Variants in NETO2 observed in about 807,000 individuals in gnomAD.
The protein encoded by NETO2 is neuropilin and tolloid like 2.
A neutral mutation model predicts 62.5 loss-of-function variants in NETO2; 28 were observed. The ratio of observed to expected loss-of-function variants is 0.45; its 90% CI spans 0.33 to 0.61. The LOEUF is 0.61. NETO2 is among the 20% of genes least tolerant of loss of function. The probability of loss-of-function intolerance (pLI) is 0.02; values close to 1 mark genes in which losing one functional copy is unlikely to be tolerated. For synonymous variants in NETO2, 214 were observed against 219.1 expected, an observed-to-expected ratio of 0.98 and a Z score of 0.21; for missense variants, 548 against 643.2, an observed-to-expected ratio of 0.85 and a Z score of 1.60.
chr16:47,112,736 AACTGATTT>A (rs1450671056), intron 6 of NETO2, among the ~76,000 whole-genome samples: 1 of 152,202 alleles, frequency 6.6e-6, no homozygotes, highest in African/African-American at 2.4e-5. Context: ...TTTTAAGTTT[AACTGATTT>A]ACTTTTATTA....
intron 2 of NETO2, 62 bp downstream of exon 2, chr16:47,131,907 C>T (rs1316330944): frequency 2.2e-6 from 3 of 1,388,200 alleles, no homozygotes; most frequent in Non-Finnish European, 3.1e-6. Flanking sequence ...AGTTGCAATC[C>T]TTTCAAATAA....
At chr16:47,103,249 G>A (rs1291895227) in intron 7 of NETO2, among the ~76,000 whole-genome samples, 4 of 152,040 alleles carry the variant, frequency 2.6e-5, no homozygotes, top group African/African-American at 4.8e-5. Context: ...ATAAGAACAC[G>A]TGGGCACAGG....
At chr16:47,143,273 G>GCAGCCCGGAGGGCC (rs1393644037) in intron 1 of NETO2, among the ~76,000 whole-genome samples, 1 of 151,990 alleles carries the variant, frequency 6.6e-6, no homozygotes, top group East Asian at 1.9e-4. Context: ...GCGCGAGGGC[G>GCAGCCCGGAGGGCC]CAGCCCGGAG....
intron 6 of NETO2, among the ~76,000 whole-genome samples, chr16:47,121,282 A>G (rs1219315319): frequency 6.6e-6 from 1 of 152,120 alleles, no homozygotes; most frequent in East Asian, 1.9e-4. Context: ...GGCTGTGAGC[A>G]TAGGGGTTTT....
At chr16:47,088,799 A>G (rs924302106) in intron 7 of NETO2, among the ~76,000 whole-genome samples, 3 of 152,186 alleles carry the variant, frequency 2.0e-5, no homozygotes, top group Non-Finnish European at 4.4e-5. Flanking sequence ...TCAGTAATAA[A>G]ACTGACATGT....
intron 6 of NETO2, among the ~76,000 whole-genome samples, chr16:47,114,502 G>GT (rs946643621): frequency 1.1e-4 from 14 of 130,460 alleles, no homozygotes; most frequent in South Asian, 2.5e-4. Context: ...CCAGGCTGGA[G>GT]TGCAGTGGCA....
intron 7 of NETO2, among the ~76,000 whole-genome samples, chr16:47,089,075 T>A (rs1963257371): frequency 6.6e-6 from 1 of 152,242 alleles, no homozygotes. Context: ...GGTTCATTTA[T>A]CCCTTCCCCC....
intron 7 of NETO2, among the ~76,000 whole-genome samples, chr16:47,087,536 C>A (rs1372827267): frequency 6.6e-6 from 1 of 151,796 alleles, no homozygotes; most frequent in African/African-American, 2.4e-5. Context: ...AATGGTTGCA[C>A]AATAATGTGA....
rs761799257 is a variant in NETO2 at position 47,129,335 on chromosome 16, G to C, written c.121C>G (p.Pro41Ala). The C allele has an allele frequency of 6.2e-7, 1 of 1,613,946 alleles. No homozygotes were observed. Among genetic ancestry groups the C allele is most frequent in the Non-Finnish European group, 8.5e-7 (1 of 1,179,930 alleles). ...ACCCAAATGCCACACTGGGTTGCAGGAATATGCTTGATTCCAATATTTTGT... is the reference window on the plus strand; with the variant it reads ...ACCCAAATGCCACACTGGGTTGCAGCAATATGCTTGATTCCAATATTTTGT... The part of the protein sequence containing the change: ...DGQNIGIKHI[P>A]ATQCGIWVRT... Residue 41 changes from proline (P) to alanine (A), a missense_variant, in exon 3 of 9, where the codon CCT (proline) becomes GCT (alanine). Physicochemically the swap from Pro to Ala is conservative, Grantham distance 27. Coordinates refer to ENST00000562435, the MANE Select transcript of NETO2 (RefSeq NM_018092.5).
chr16:47,108,929 T>A lies in NETO2; in HGVS notation c.883+554A>T, dbSNP rs117308936. Among the ~76,000 whole-genome samples the A allele has an allele frequency of 2.4e-3, 373 of 152,336 alleles. 1 individual carries two copies. Among genetic ancestry groups the A allele is most frequent in the Middle Eastern group, 6.8e-3 (2 of 294 alleles). On this transcript the variant is annotated intron_variant, in intron 7 of 8. Coordinates refer to ENST00000562435, the MANE Select transcript of NETO2 (RefSeq NM_018092.5). ...AAGATCTATGGCATATCTAAATCTTTGATGACCATAGTTTCATGGATTCAT... is the reference window on the plus strand; with the variant it reads ...AAGATCTATGGCATATCTAAATCTTAGATGACCATAGTTTCATGGATTCAT...
At chr16:47,115,717 A>G (rs576456965) in intron 6 of NETO2, among the ~76,000 whole-genome samples, 68 of 126,656 alleles carry the variant, frequency 5.4e-4, no homozygotes, top group East Asian at 1.4e-3. Flanking sequence ...ATATATACAT[A>G]TATATATATA....
chr16:47,131,974 G>GT lies in NETO2; in HGVS notation c.85dup (p.Thr29AsnfsTer36). 6.2e-7 allele frequency: 1 copy of GT among 1,611,928 alleles called. No homozygotes were observed. Among genetic ancestry groups the GT allele is most frequent in the Non-Finnish European group, 8.5e-7 (1 of 1,178,412 alleles). ...CACCAATGTAAGTACTTTACCTTGG[G>GT]TTTTTTGGGCCACGGCAATCCCTTC... On this transcript the variant is annotated frameshift_variant, in exon 2 of 9. Coordinates refer to ENST00000562435, the MANE Select transcript of NETO2 (RefSeq NM_018092.5). LOFTEE classifies it high-confidence loss of function.
At chr16:47,119,743 T>G (rs760750032) in intron 6 of NETO2, among the ~76,000 whole-genome samples, 7 of 152,242 alleles carry the variant, frequency 4.6e-5, no homozygotes, top group Non-Finnish European at 1.0e-4. Context: ...ATTTCCATAC[T>G]GATTTCTTCT....
chr16:47,092,408 T>C (rs1473798207), intron 7 of NETO2, among the ~76,000 whole-genome samples: 1 of 152,170 alleles, frequency 6.6e-6, no homozygotes, highest in Non-Finnish European at 1.5e-5. Flanking sequence ...TTTTAACATA[T>C]AGCATAAAAT....
chr16:47,140,347 G>C (rs1426665752), intron 1 of NETO2, among the ~76,000 whole-genome samples: 1 of 152,152 alleles, frequency 6.6e-6, no homozygotes, highest in African/African-American at 2.4e-5. Context: ...TTCTACAGGA[G>C]CGTAAGTTGA....
In NETO2 at chr16:47,081,270, G is replaced by A. The variant is rs1376275368; in HGVS notation, c.*1951C>T. 4 of 152,004 alleles carry A rather than the reference G, an allele frequency of 2.6e-5. No individual in the cohort carries two copies. Among genetic ancestry groups the A allele is most frequent in the Admixed American group, 6.6e-5 (1 of 15,256 alleles). 9.4% of individuals were successfully genotyped at this position (152,004 alleles called of 1,614,324 possible). A position where few individuals can be genotyped will look rare whatever the true frequency, so the allele number is the denominator to read the frequency against. ...TGTTATATTAAGTATTTATTATGCT[G>A]TTCAAATGTTAGCTGGTGTAAGTTA... On this transcript the variant is annotated 3_prime_UTR_variant, in exon 9 of 9. Coordinates refer to ENST00000562435, the MANE Select transcript of NETO2 (RefSeq NM_018092.5).
At chr16:47,115,740 T>C (rs1423532821) in intron 6 of NETO2, among the ~76,000 whole-genome samples, 4 of 144,904 alleles carry the variant, frequency 2.8e-5, no homozygotes, top group East Asian at 3.9e-4. Context: ...TACATGTATA[T>C]ATATATATTT....
chr16:47,137,616 G>C (rs1223135564), intron 1 of NETO2, among the ~76,000 whole-genome samples: 3 of 152,162 alleles, frequency 2.0e-5, no homozygotes, highest in African/African-American at 7.2e-5. Flanking sequence ...GCACTTGCCA[G>C]GGACCTTGGA....
intron 7 of NETO2, among the ~76,000 whole-genome samples, chr16:47,091,495 AGAAATTGGTG>A (rs1224234718): frequency 6.6e-6 from 1 of 152,238 alleles, no homozygotes; most frequent in Non-Finnish European, 1.5e-5. Flanking sequence ...AAAGTAAAAA[AGAAATTGGTG>A]GAATTAATTT....
Sources: allele counts gnomAD v4.1 joint callset (sites outside exome capture counted in the v4.1 genomes callset), GRCh38; gene constraint gnomAD v4.1.1; transcripts MANE v1.5; gene names NCBI Gene and HGNC (gene_info 2026-07-23, HGNC 2026-07-21).